Variants in PCDHA11 observed in about 807,000 individuals in gnomAD.
PCDHA11 encodes protocadherin alpha-11.
A neutral mutation model predicts 70.3 loss-of-function variants in PCDHA11; 61 were observed. The observed-to-expected ratio is 0.87, with a 90% confidence interval of 0.71 to 1.07. PCDHA11 has a LOEUF of 1.07. PCDHA11 is among the 50% of genes least tolerant of loss of function. PCDHA11 has a pLI of 0.00. For missense variants in PCDHA11, 1,324 were observed against 1,237.5 expected (o/e 1.07, Z -1.05); for synonymous variants, 633 against 555.1 (o/e 1.14, Z -1.97).
intron 1 of PCDHA11, among the ~76,000 whole-genome samples, chr5:140,971,957 AC>A (rs1360214556): frequency 6.6e-6 from 1 of 152,060 alleles, no homozygotes; most frequent in Non-Finnish European, 1.5e-5. Flanking sequence ...GACTCCAAAA[AC>A]TTTTTTTCAA....
intron 1 of PCDHA11, among the ~76,000 whole-genome samples, chr5:140,940,389 AT>A (rs2092602183): frequency 1.3e-5 from 2 of 151,932 alleles, no homozygotes; most frequent in Admixed American, 6.6e-5. Flanking sequence ...AATTTTGGTT[AT>A]TGTGTTTTTC....
At position 140,926,980 on chromosome 5, in the gene PCDHA11, A is replaced by T. The variant is rs781916280; in HGVS notation, c.2392-51969A>T. ...GCTCGAGTACTCAGTGCCGGAGGAG[A>T]CGGAGCGGGGCGTAGCCGTAGGCAA... On this transcript the variant is annotated intron_variant, in intron 1 of 3. Transcript: ENST00000398640. The T allele has an allele frequency of 1.9e-6, 3 of 1,610,246 alleles. No individual in the cohort carries two copies. The Admixed American group carries it at 5.0e-5, about 27-fold the overall frequency.
intron 1 of PCDHA11, among the ~76,000 whole-genome samples, chr5:140,895,371 T>C (rs1554186488): frequency 1.3e-5 from 2 of 152,304 alleles, no homozygotes; most frequent in East Asian, 3.9e-4. Context: ...TTGGCACTTT[T>C]TGGAGTTCTT....
chr5:140,983,966 C>A (rs782428444), intron 3 of PCDHA11, among the ~76,000 whole-genome samples: 1 of 152,048 alleles, frequency 6.6e-6, no homozygotes, highest in Non-Finnish European at 1.5e-5. Flanking sequence ...CACATTTGTC[C>A]AAAAAATATA....
chr5:140,874,158 G>T (rs986617459), intron 1 of PCDHA11, among the ~76,000 whole-genome samples: 8 of 152,108 alleles, frequency 5.3e-5, no homozygotes, highest in African/African-American at 1.7e-4. Context: ...GCCATTCTTG[G>T]TTACTCTTTC....
chr5:140,955,036 T>C (rs2095128891), intron 1 of PCDHA11, among the ~76,000 whole-genome samples: 1 of 152,210 alleles, frequency 6.6e-6, no homozygotes, highest in Non-Finnish European at 1.5e-5. Context: ...AGGGAATCTT[T>C]TCCTCATTGC....
intron 1 of PCDHA11, among the ~76,000 whole-genome samples, chr5:140,931,648 T>G (rs1258876806): frequency 6.6e-6 from 1 of 152,014 alleles, no homozygotes; most frequent in African/African-American, 2.4e-5. Context: ...TGCTAATAAT[T>G]GTTGTGGGCT....
At chr5:140,959,570 T>C (rs1324858058) in intron 1 of PCDHA11, among the ~76,000 whole-genome samples, 1 of 152,184 alleles carries the variant, frequency 6.6e-6, no homozygotes. Context: ...ACTAGATTTT[T>C]TGTTTCAATT....
intron 1 of PCDHA11, among the ~76,000 whole-genome samples, chr5:140,908,155 G>T (rs559304647): frequency 2.0e-5 from 3 of 152,194 alleles, no homozygotes; most frequent in African/African-American, 4.8e-5. Flanking sequence ...TCCTAGGAAG[G>T]GGCTGTAGTG....
At chr5:140,875,779 A>G (rs1174243985) in intron 1 of PCDHA11, 1 of 1,614,194 alleles carries the variant, frequency 6.2e-7, no homozygotes, top group Non-Finnish European at 8.5e-7. Context: ...CGCGGAGTGC[A>G]GTATCCACCT....
In PCDHA11 at chr5:140,869,908, CGAGACGAAG is replaced by C; in HGVS notation, c.809_817del (p.Asp270_Gly272del). On this transcript the variant is annotated inframe_deletion, in exon 1 of 4. Transcript: ENST00000398640. ...TGTGCTCAAACTAAACGCCACAGACCGAGACGAAGGAGTCAATGGAGAGGTAACATACTC... is the reference window on the plus strand; with the variant it reads ...TGTGCTCAAACTAAACGCCACAGACCGAGTCAATGGAGAGGTAACATACTC... 6.2e-7 allele frequency: 1 copy of C among 1,610,646 alleles called. No homozygotes were observed. The highest frequency in any genetic ancestry group is 8.5e-7 in the Non-Finnish European group (1 of 1,178,286).
chr5:141,008,838 G>A (rs555239899), intron 3 of PCDHA11, among the ~76,000 whole-genome samples: 2 of 152,192 alleles, frequency 1.3e-5, no homozygotes, highest in South Asian at 2.1e-4. Context: ...ATCCTCTTAC[G>A]CTGTGTATTC....
chr5:140,948,276 G>A (rs375889469), intron 1 of PCDHA11, among the ~76,000 whole-genome samples: 1 of 151,520 alleles, frequency 6.6e-6, no homozygotes, highest in East Asian at 1.9e-4. Context: ...TAGAATATCT[G>A]TAAATAATTT....
At chr5:140,896,148 G>A (rs1185038418) in intron 1 of PCDHA11, among the ~76,000 whole-genome samples, 1 of 152,162 alleles carries the variant, frequency 6.6e-6, no homozygotes, top group Non-Finnish European at 1.5e-5. Flanking sequence ...CACCATTGAT[G>A]GGCATTTAGG....
intron 3 of PCDHA11, among the ~76,000 whole-genome samples, chr5:141,005,808 C>T (rs2153985730): frequency 6.6e-6 from 1 of 150,460 alleles, no homozygotes; most frequent in African/African-American, 2.5e-5. Context: ...CTCCAAGGAG[C>T]CAGGTATGGT....
intron 1 of PCDHA11, chr5:140,883,872 T>A (rs1554180376): frequency 1.2e-6 from 2 of 1,612,996 alleles, no homozygotes; most frequent in African/African-American, 1.3e-5. Flanking sequence ...CAGTTCCAGG[T>A]GAGCGCGCGC....
At chr5:140,928,427 C>T in intron 1 of PCDHA11, 1 of 1,614,132 alleles carries the variant, frequency 6.2e-7, no homozygotes. Flanking sequence ...GCCAAAACTT[C>T]CTTTGACTTT....
intron 1 of PCDHA11, 168 bp from the exon 2 acceptor site, chr5:140,978,781 A>G (rs4461687): frequency 4.1e-6 from 4 of 969,772 alleles, no homozygotes; most frequent in South Asian, 4.8e-5. Context: ...ATTTTCTTCT[A>G]AAGTGCTATA....
intron 1 of PCDHA11, chr5:140,966,499 A>C (rs960365429): frequency 1.4e-5 from 6 of 431,834 alleles, no homozygotes; most frequent in Non-Finnish European, 2.4e-5. Context: ...CTGGAGCTGT[A>C]GCGGCAGCAG....
Sources: gnomAD v4.1 joint callset for allele counts (sites outside exome capture counted in the v4.1 genomes callset) on GRCh38, gnomAD v4.1.1 for gene constraint, MANE v1.5 for transcripts, NCBI Gene and HGNC (gene_info 2026-07-23, HGNC 2026-07-21) for gene names.